Variants in NES observed in about 807,000 individuals in gnomAD.
The protein encoded by NES is nestin.
In NES, 27 loss-of-function variants were observed where a neutral mutation model predicts 35.6. The observed-to-expected ratio is 0.76, with a 90% CI of 0.56 to 1.04. NES has a LOEUF of 1.04. Ranked by LOEUF, NES falls within the 50% of genes least tolerant of loss-of-function variation. NES has a pLI of 0.00. For missense variants in NES, 1,867 were observed against 1,983.6 expected (o/e 0.94, Z 1.12); for synonymous variants, 822 against 824.2 (o/e 1.00, Z 0.04).
rs759601649 is a variant in NES at position 156,671,316 on chromosome 1, CCTT to C, written c.2869_2871del (p.Lys957del). The C allele has an allele frequency of 1.9e-6, 3 of 1,614,040 alleles. No homozygotes were observed. Among genetic ancestry groups the C allele is most frequent in the African/African-American group, 2.7e-5 (2 of 74,940 alleles). ...GGGCTTTCCTGAGCCAGTTCTTGGT[CCTT>C]CTCCACCGTATCTTCCCACCTCTGC... is the stretch of plus-strand genomic sequence containing the variant. On this transcript the variant is annotated inframe_deletion, in exon 4 of 4. Coordinates refer to ENST00000368223, the MANE Select transcript of NES (RefSeq NM_006617.2).
chr1:156,676,681 T>A lies in NES; in HGVS notation c.584A>T (p.Glu195Val). The part of the protein sequence containing the change: ...AWRGAVRGYQ[E>V]RVAHMETSLG... ...CGACGTCTCCATGTGTGCCACGCGC[T>A]CCTGGTAGCCGCGCACTGCCCCGCG... Residue 195 changes from glutamate (E) to valine (V), a missense_variant, in exon 1 of 4, where the codon GAG (glutamate) becomes GTG (valine). Physicochemically the swap from Glu to Val is moderately radical, Grantham distance 121. Coordinates refer to ENST00000368223, the MANE Select transcript of NES (RefSeq NM_006617.2). The surrounding 1 kb of genome is among the most constrained non-coding windows in gnomAD (Gnocchi z 5.3). 2 of 1,502,550 alleles carry A rather than the reference T, an allele frequency of 1.3e-6. No individual in the cohort carries two copies. Among genetic ancestry groups the A allele is most frequent in the East Asian group, 5.3e-5 (2 of 38,038 alleles). 93.1% of individuals were successfully genotyped at this position (1,502,550 alleles called of 1,614,324 possible).
chr1:156,676,868 G>A lies in NES; in HGVS notation c.397C>T (p.Leu133=). 2 of 1,531,430 alleles carry A rather than the reference G, an allele frequency of 1.3e-6. No individual in the cohort carries two copies. Among genetic ancestry groups the A allele is most frequent in the Non-Finnish European group, 1.7e-6 (2 of 1,152,070 alleles). 94.9% of individuals were successfully genotyped at this position (1,531,430 alleles called of 1,614,324 possible). A position where few individuals can be genotyped will look rare whatever the true frequency, so the allele number is the denominator to read the frequency against. Residue 133 remains leucine, a synonymous_variant, in exon 1 of 4, where the codon CTG becomes TTG. Transcript: ENST00000368223. This position sits in a 1 kb window ranked among gnomAD's most constrained non-coding sequence, Gnocchi z 5.3. Reference sequence around the variant, plus strand: ...CGTAGAGCCTCTAGCTCGCGCTCCAGCTCTGCCACCTGGCTACTCAGCCAG... The same window carrying A: ...CGTAGAGCCTCTAGCTCGCGCTCCAACTCTGCCACCTGGCTACTCAGCCAG... The part of the protein sequence containing the change: ...RAWLSSQVAE[L]ERELEALRVA...
chr1:156,670,123 T>A lies in NES; in HGVS notation c.4065A>T (p.Gly1355=). The A allele has an allele frequency of 6.2e-7, 1 of 1,613,842 alleles. No individual in the cohort carries two copies. The highest frequency in any genetic ancestry group is 8.5e-7 in the Non-Finnish European group (1 of 1,179,964). ...CAGAGTCACGGCCACACTCCTCTTCTCCCTCCTCCCCCTCCTCCTTTTCTG... is the reference window on the plus strand; with the variant it reads ...CAGAGTCACGGCCACACTCCTCTTCACCCTCCTCCCCCTCCTCCTTTTCTG... ...PPSEKEEGEE[G]EEECGRDSDL... is the part of the protein sequence containing the mutation. Residue 1355 remains glycine, a synonymous_variant, in exon 4 of 4, where the codon GGA becomes GGT. Transcript: ENST00000368223.
rs764243458 is a variant in NES, at chr1:156,677,043, C to G, written c.222G>C (p.Lys74Asn). Residue 74 changes from lysine to asparagine, a missense_variant, in exon 1 of 4, where the codon AAG becomes AAC. By Grantham distance (94) the Lys-to-Asn change is moderately conservative. Coordinates refer to ENST00000368223, the MANE Select transcript of NES (RefSeq NM_006617.2). This position sits in a 1 kb window ranked among gnomAD's most constrained non-coding sequence, Gnocchi z 4.5. ...TGTCGCGCGCCACCTCGGCCGCGTG[C>G]TTCTCCCGCCAGCGTTGGTCAACGA... is the stretch of plus-strand genomic sequence containing the variant. ...RALVDQRWRE[K>N]HAAEVARDNL... 5 of 1,587,414 alleles carry G rather than the reference C, an allele frequency of 3.1e-6. No individual in the cohort carries two copies. The South Asian group carries it at 5.6e-5, about 18-fold the overall frequency.
rs1449863622 is a variant in NES at position 156,671,911 on chromosome 1, T to G, written c.2277A>C (p.Glu759Asp). The change falls in exon 4 of 4, where the codon GAA (glutamate) becomes GAC (aspartate). Residue 759 changes from glutamate to aspartate, a missense_variant. Coordinates refer to ENST00000368223, the MANE Select transcript of NES (RefSeq NM_006617.2). ...ACCTCCGTCGCTGTTGAGTCTCTTT[T>G]TCAAGAGTTCTCAATGTCTCTTGGT... ...EQDQETLRTL[E>D]KETQQRRRSL... is the part of the protein sequence containing the mutation. 6.2e-7 allele frequency: 1 copy of G among 1,614,176 alleles called. No individual in the cohort carries two copies. Among genetic ancestry groups the G allele is most frequent in the Non-Finnish European group, 8.5e-7 (1 of 1,180,008 alleles).
At position 156,677,199 on chromosome 1, in the gene NES, G is replaced by A. The variant is rs376004654; in HGVS notation, c.66C>T (p.Tyr22=). 119 of 1,612,588 alleles carry A rather than the reference G, an allele frequency of 7.4e-5. No homozygotes were observed. Among genetic ancestry groups the A allele is most frequent in the Non-Finnish European group, 2.5e-5 (30 of 1,179,914 alleles). The change falls in exon 1 of 4, where the codon TAC becomes TAT. Residue 22 remains tyrosine (Y), a synonymous_variant. Transcript: ENST00000368223. The surrounding 1 kb of genome is among the most constrained non-coding windows in gnomAD (Gnocchi z 4.5). ...CCTCCAGCGCCTTGACCCGGGCCAG[G>A]TAGGCCTCCAGGCGCCGATTGAGCT... The part of the protein sequence containing the change: ...MWELNRRLEA[Y]LARVKALEEQ...
At chr1:156,674,196 G>A (rs924828956) in intron 2 of NES, among the ~76,000 whole-genome samples, 1 of 152,136 alleles carries the variant, frequency 6.6e-6, no homozygotes, top group African/African-American at 2.4e-5. Flanking sequence ...AGCTCTTCGG[G>A]GCACAGAGGT....
chr1:156,671,726 A>G lies in NES; in HGVS notation c.2462T>C (p.Leu821Ser). The G allele has an allele frequency of 1.2e-6, 2 of 1,613,786 alleles. No individual in the cohort carries two copies. Among genetic ancestry groups the G allele is most frequent in the Non-Finnish European group, 8.5e-7 (1 of 1,179,956 alleles). The change falls in exon 4 of 4, where the codon TTA (leucine) becomes TCA (serine). Residue 821 changes from leucine (L) to serine (S), a missense_variant. Coordinates refer to ENST00000368223, the MANE Select transcript of NES (RefSeq NM_006617.2). Reference sequence around the variant, plus strand: ...CAGTGATTCTAGGATCTCTGTTTCTAAAGATTTTACTGCCTCTACGCTCTC... The same window carrying G: ...CAGTGATTCTAGGATCTCTGTTTCTGAAGATTTTACTGCCTCTACGCTCTC... ...KEESVEAVKS[L>S]ETEILESLKS...
rs781674865 is a variant in NES, at chr1:156,677,212, C to A, written c.53G>T (p.Arg18Leu). The part of the protein sequence containing the change: ...ESFQMWELNR[R>L]LEAYLARVKA... Reference sequence around the variant, plus strand: ...GACCCGGGCCAGGTAGGCCTCCAGGCGCCGATTGAGCTCCCACATCTGAAA... The same window carrying A: ...GACCCGGGCCAGGTAGGCCTCCAGGAGCCGATTGAGCTCCCACATCTGAAA... Residue 18 changes from arginine (R) to leucine (L), a missense_variant, in exon 1 of 4, where the codon CGC (arginine) becomes CTC (leucine). Physicochemically the swap from Arg to Leu is moderately radical, Grantham distance 102. Coordinates refer to ENST00000368223, the MANE Select transcript of NES (RefSeq NM_006617.2). The surrounding 1 kb of genome is among the most constrained non-coding windows in gnomAD (Gnocchi z 4.5). The A allele has an allele frequency of 2.5e-6, 4 of 1,612,724 alleles. No homozygotes were observed. In the East Asian group the frequency reaches 6.7e-5, roughly 27 times the overall value.
chr1:156,673,322 G>T (rs1293658279), intron 3 of NES, 117 bp from the exon 4 acceptor site: 4 of 1,308,764 alleles, frequency 3.1e-6, no homozygotes, highest in African/African-American at 1.5e-5. Flanking sequence ...CCCATGGCTG[G>T]GCTGAGAGCA....
chr1:156,676,548 C>T lies in NES; in HGVS notation c.717G>A (p.Arg239=), dbSNP rs775804285. 4 of 1,595,158 alleles carry T rather than the reference C, an allele frequency of 2.5e-6. No homozygotes were observed. The highest frequency in any genetic ancestry group is 3.4e-6 in the Non-Finnish European group (4 of 1,178,328). Residue 239 remains arginine (R), a synonymous_variant, in exon 1 of 4, where the codon AGG becomes AGA. Coordinates refer to ENST00000368223, the MANE Select transcript of NES (RefSeq NM_006617.2). The surrounding 1 kb of genome is among the most constrained non-coding windows in gnomAD (Gnocchi z 5.3). ...CCTCCAACCTCTGTTCCAACGCTGC[C>T]CTGCGCTCCAGGAGGCCTCCGCGCT... The part of the protein sequence containing the change: ...QAERGGLLER[R]AALEQRLEGR...
In NES at chr1:156,670,479, G is replaced by T; in HGVS notation, c.3709C>A (p.Pro1237Thr). 1 of 1,576,454 alleles carries T rather than the reference G, an allele frequency of 6.3e-7. No homozygotes were observed. Among genetic ancestry groups the T allele is most frequent in the Non-Finnish European group, 8.6e-7 (1 of 1,159,630 alleles). The change falls in exon 4 of 4, where the codon CCT (proline) becomes ACT (threonine). Residue 1237 changes from proline to threonine, a missense_variant. By Grantham distance (38) the Pro-to-Thr change is conservative. Transcript: ENST00000368223. ...PILEDAPGPQ[P>T]QAEGSQEASW... is the part of the protein sequence containing the mutation. The stretch of plus-strand genomic sequence containing the variant: ...GCCTCCTGACTCCCTTCAGCCTGAG[G>T]CTGAGGCCCAGGGGCATCTTCCAGG...
At position 156,669,796 on chromosome 1, in the gene NES, A is replaced by C. The variant is rs1260198542; in HGVS notation, c.4392T>G (p.Ser1464Arg). The change falls in exon 4 of 4, where the codon AGT (serine) becomes AGG (arginine). Residue 1464 changes from serine to arginine, a missense_variant. Physicochemically the swap from Ser to Arg is moderately radical, Grantham distance 110. Transcript: ENST00000368223. ...RGEFLESDSV[S>R]VSVPWDDSLR... ...AGCTGTCATCCCAGGGGACACTGAC[A>C]CTCACAGAATCAGACTCCAGGAATT... is the stretch of plus-strand genomic sequence containing the variant. 1 of 1,613,866 alleles carries C rather than the reference A, an allele frequency of 6.2e-7. No individual in the cohort carries two copies.
At chr1:156,674,272 C>A (rs1402309376) in intron 2 of NES, among the ~76,000 whole-genome samples, 7 of 152,010 alleles carry the variant, frequency 4.6e-5, no homozygotes, top group South Asian at 2.1e-4. Flanking sequence ...CCAATCAATT[C>A]AATAACTTAG....
rs1320478803 is a variant in NES at position 156,673,287 on chromosome 1, A to T, written c.983-82T>A. 7 of 1,317,038 alleles carry T rather than the reference A, an allele frequency of 5.3e-6. No homozygotes were observed. In the Admixed American group the frequency reaches 1.3e-4, roughly 25 times the overall value. The allele number at this position is 1,317,038 out of a possible 1,614,324, so 81.6% of individuals were successfully genotyped here. On this transcript the variant is annotated intron_variant, in intron 3 of 3. Transcript: ENST00000368223. ...CCACAGAGCAGCCACCGCTGGCAAG[A>T]GTATCCATGCGCCTGCCCCTGGCGC...
Position 156,675,211 on chromosome 1 carries a change from C to T in NES, c.908+5G>A, listed in dbSNP as rs768621985. 5.0e-6 allele frequency: 8 copies of T among 1,612,874 alleles called. No individual in the cohort carries two copies. Among genetic ancestry groups the T allele is most frequent in the East Asian group, 2.2e-5 (1 of 44,874 alleles). On this transcript the variant is annotated splice_donor_5th_base_variant and intron_variant, in intron 2 of 3. Coordinates refer to ENST00000368223, the MANE Select transcript of NES (RefSeq NM_006617.2). ...GTGCCTGGGTGGACAGGGCTCGTCT[C>T]GTACCTGTACGTGGCCACCTCCAGG... is the stretch of plus-strand genomic sequence containing the variant.
In NES at chr1:156,670,713, C is replaced by T. The variant is rs146715283; in HGVS notation, c.3475G>A (p.Gly1159Arg). The T allele has an allele frequency of 2.5e-3, 4,056 of 1,614,046 alleles. 3 individuals are homozygous for T. Among genetic ancestry groups the T allele is most frequent in the Middle Eastern group, 3.3e-3 (20 of 6,060 alleles). ...GLGTEFSELP[G>R]KSRDPWEPPR... is the part of the protein sequence containing the mutation. Reference sequence around the variant, plus strand: ...GGCTCCCAAGGGTCTCTGCTCTTCCCAGGCAGCTCGGAGAACTCTGTCCCC... The same window carrying T: ...GGCTCCCAAGGGTCTCTGCTCTTCCTAGGCAGCTCGGAGAACTCTGTCCCC... Residue 1159 changes from glycine to arginine, a missense_variant, in exon 4 of 4, where the codon GGG (glycine) becomes AGG (arginine). Coordinates refer to ENST00000368223, the MANE Select transcript of NES (RefSeq NM_006617.2).
Position 156,672,163 on chromosome 1 carries a change from T to C in NES, c.2025A>G (p.Gln675=), listed in dbSNP as rs1028098566. The change falls in exon 4 of 4, where the codon CAA becomes CAG. Residue 675 remains glutamine (Q), a synonymous_variant. Coordinates refer to ENST00000368223, the MANE Select transcript of NES (RefSeq NM_006617.2). ...CTACTTCTGGAGATCTCAGTGGCTCTTGATTCTCCTTTTCCAGAGCTGTCA... is the reference window on the plus strand; with the variant it reads ...CTACTTCTGGAGATCTCAGTGGCTCCTGATTCTCCTTTTCCAGAGCTGTCA... ...ESLTALEKEN[Q]EPLRSPEVGD... is the part of the protein sequence containing the mutation. 2 of 1,611,548 alleles carry C rather than the reference T, an allele frequency of 1.2e-6. No homozygotes were observed. The highest frequency in any genetic ancestry group is 1.7e-6 in the Non-Finnish European group (2 of 1,179,500).
At position 156,676,542 on chromosome 1, in the gene NES, C is replaced by A; in HGVS notation, c.723G>T (p.Ala241=). 5 of 1,595,344 alleles carry A rather than the reference C, an allele frequency of 3.1e-6. No homozygotes were observed. Among genetic ancestry groups the A allele is most frequent in the Non-Finnish European group, 4.2e-6 (5 of 1,178,326 alleles). Residue 241 remains alanine, a synonymous_variant, in exon 1 of 4, where the codon GCG becomes GCT. Transcript: ENST00000368223. This position sits in a 1 kb window ranked among gnomAD's most constrained non-coding sequence, Gnocchi z 5.3. The part of the protein sequence containing the change: ...ERGGLLERRA[A]LEQRLEGRWQ... ...AGCGGCCCTCCAACCTCTGTTCCAA[C>A]GCTGCCCTGCGCTCCAGGAGGCCTC...
Sources: gnomAD v4.1 joint callset for allele counts (sites outside exome capture counted in the v4.1 genomes callset) on GRCh38, gnomAD v4.1.1 for gene constraint, Gnocchi (gnomAD v3.1) non-coding constraint, MANE v1.5 for transcripts, NCBI Gene and HGNC (gene_info 2026-07-23, HGNC 2026-07-21) for gene names.